Variants in CPEB3 observed in about 807,000 individuals in gnomAD.
CPEB3 encodes cytoplasmic polyadenylation element binding protein 3, also known as cytoplasmic polyadenylation element-binding protein 3.
CPEB3 carries 20 observed loss-of-function variants against 67.2 expected under a neutral mutation model. The observed-to-expected ratio is 0.30, with a 90% confidence interval of 0.21 to 0.43. The LOEUF (loss-of-function observed/expected upper bound fraction) is 0.43, where lower values mean the gene tolerates loss of function less well. Among genes scored for constraint, CPEB3 ranks in the 20% least tolerant of loss-of-function variants. CPEB3 has a pLI of 1.00. For synonymous variants in CPEB3, 376 were observed against 393.1 expected (o/e 0.96, Z 0.51); for missense variants, 746 against 968.6 (o/e 0.77, Z 3.05).
intron 6 of CPEB3, among the ~76,000 whole-genome samples, chr10:92,123,398 AAGGACG>A (rs1845478295): frequency 1.6e-5 from 2 of 121,220 alleles, no homozygotes; most frequent in Non-Finnish European, 3.5e-5. Context: ...GGCAAGGACC[AAGGACG>A]CTAAGATTAT....
rs376818546 is a variant in CPEB3 at position 92,239,592 on chromosome 10, G to A, written c.759C>T (p.Ser253=). 17 of 1,554,122 alleles carry A rather than the reference G, an allele frequency of 1.1e-5. No homozygotes were observed. In the South Asian group the frequency reaches 1.2e-4, roughly 11 times the overall value. The stretch of plus-strand genomic sequence containing the variant: ...GGCCGCCCCAGGGGTTGGACGGTGC[G>A]CTCCAGGCTGCATTCACGCTTTGGT... ...NTHQSVNAAW[S]APSNPWGGLQ... Residue 253 remains serine, a synonymous_variant, in exon 2 of 10, where the codon AGC becomes AGT. Transcript: ENST00000265997. This position sits in a 1 kb window ranked among gnomAD's most constrained non-coding sequence, Gnocchi z 6.0.
At chr10:92,065,925 C>G (rs539125942) in intron 9 of CPEB3, among the ~76,000 whole-genome samples, 4 of 151,922 alleles carry the variant, frequency 2.6e-5, no homozygotes, top group East Asian at 1.9e-4. Context: ...GAGACCCCCC[C>G]TCTCTATCAA....
chr10:92,114,772 CTCTCT>C (rs1281492297), intron 6 of CPEB3, among the ~76,000 whole-genome samples: 1 of 152,218 alleles, frequency 6.6e-6, no homozygotes, highest in Non-Finnish European at 1.5e-5. Flanking sequence ...TGAATCCTGG[CTCTCT>C]TCTCTGTCAA....
chr10:92,072,913 A>G (rs1355459518), intron 9 of CPEB3, among the ~76,000 whole-genome samples: 1 of 152,202 alleles, frequency 6.6e-6, no homozygotes, highest in Non-Finnish European at 1.5e-5. Flanking sequence ...TTGTCAACAC[A>G]GGGACAAATT....
chr10:92,125,244 C>A (rs1407771057), intron 6 of CPEB3, among the ~76,000 whole-genome samples: 1 of 152,192 alleles, frequency 6.6e-6, no homozygotes, highest in Non-Finnish European at 1.5e-5. Flanking sequence ...GACCCTGTGC[C>A]CCTAGACTGC....
At chr10:92,151,566 T>C (rs1410643389) in intron 4 of CPEB3, among the ~76,000 whole-genome samples, 1 of 152,202 alleles carries the variant, frequency 6.6e-6, no homozygotes, top group Admixed American at 6.5e-5. Flanking sequence ...TCCCTTTTAT[T>C]ACACAGAAAT....
At chr10:92,159,332 G>C (rs1186625800) in intron 4 of CPEB3, among the ~76,000 whole-genome samples, 1 of 151,888 alleles carries the variant, frequency 6.6e-6, no homozygotes, top group Non-Finnish European at 1.5e-5. Flanking sequence ...GAAAAAGGAA[G>C]ATAATTTGGA....
chr10:92,084,337 G>A (rs1363253843), intron 8 of CPEB3, among the ~76,000 whole-genome samples: 4 of 152,022 alleles, frequency 2.6e-5, no homozygotes, highest in Non-Finnish European at 5.9e-5. Flanking sequence ...ACCCTCATCT[G>A]CTTATGCTCT....
rs1850419822 is a variant in CPEB3, at chr10:92,216,697, C to A, written c.1005+22649G>T. On this transcript the variant is annotated intron_variant, in intron 2 of 9. Coordinates refer to ENST00000265997, the MANE Select transcript of CPEB3 (RefSeq NM_014912.5). The stretch of plus-strand genomic sequence containing the variant: ...TGGGTGCAGCCACAGGCTCCAAGCG[C>A]CCCACCTGTGTGATAATGGTCAAGC... 6.9e-6 allele frequency: 11 copies of A among 1,605,620 alleles called. No individual in the cohort carries two copies. The South Asian group carries it at 1.2e-4, about 18-fold the overall frequency.
intron 3 of CPEB3, among the ~76,000 whole-genome samples, chr10:92,181,305 C>A: frequency 6.9e-6 from 1 of 145,682 alleles, no homozygotes; most frequent in African/African-American, 2.5e-5. Context: ...TTAAACATGC[C>A]AACTCCTTGG....
intron 1 of CPEB3, among the ~76,000 whole-genome samples, chr10:92,277,483 G>A (rs936336878): frequency 2.6e-5 from 4 of 152,118 alleles, no homozygotes; most frequent in African/African-American, 9.7e-5. Flanking sequence ...TCCTCATCCT[G>A]TTCCACTGAT....
intron 9 of CPEB3, among the ~76,000 whole-genome samples, chr10:92,061,161 G>A (rs973052240): frequency 6.6e-5 from 10 of 152,166 alleles, no homozygotes; most frequent in Non-Finnish European, 1.3e-4. Context: ...GCTCATACCT[G>A]TAATCCCAGC....
intron 2 of CPEB3, among the ~76,000 whole-genome samples, chr10:92,235,603 A>T (rs1383161841): frequency 6.6e-6 from 1 of 152,264 alleles, no homozygotes; most frequent in African/African-American, 2.4e-5. Context: ...ATTTTAACTC[A>T]TACAAGGCCA....
Position 92,237,040 on chromosome 10 carries a change from C to T in CPEB3, c.1005+2306G>A, listed in dbSNP as rs530631360. On this transcript the variant is annotated intron_variant, in intron 2 of 9. Transcript: ENST00000265997. ...AGAATAAATATTTTGAAAAAATCAT[C>T]GAAACCACTTAAGATATTTTCTTCC... Among the ~76,000 whole-genome samples, 9 of 152,184 alleles carry T rather than the reference C, an allele frequency of 5.9e-5. 1 individual carries two copies. In the South Asian group the frequency reaches 1.0e-3, roughly 18 times the overall value.
At chr10:92,053,785 C>T (rs1157183949) in intron 9 of CPEB3, among the ~76,000 whole-genome samples, 1 of 152,186 alleles carries the variant, frequency 6.6e-6, no homozygotes, top group African/African-American at 2.4e-5. Context: ...TCGTGATCCA[C>T]CCGCCTCGGC....
intron 2 of CPEB3, among the ~76,000 whole-genome samples, chr10:92,204,911 G>C (rs1294428101): frequency 1.3e-5 from 2 of 148,278 alleles, no homozygotes; most frequent in Non-Finnish European, 3.0e-5. Context: ...TACTATAATG[G>C]CTCACTGCAA....
chr10:92,200,402 G>A (rs1265023346), intron 2 of CPEB3, among the ~76,000 whole-genome samples: 9 of 151,916 alleles, frequency 5.9e-5, no homozygotes, highest in East Asian at 1.9e-4. Context: ...AAAATTAGCC[G>A]GGCGTGGTGG....
intron 9 of CPEB3, 119 bp from the exon 10 acceptor site, chr10:92,052,558 T>A: frequency 1.2e-6 from 1 of 808,414 alleles, no homozygotes; most frequent in Non-Finnish European, 2.0e-6. Context: ...TGCTTTCAAC[T>A]CTGCTGATAC....
At chr10:92,128,458 A>T (rs190020551) in intron 6 of CPEB3, among the ~76,000 whole-genome samples, 516 of 152,348 alleles carry the variant, frequency 3.4e-3, no homozygotes, top group Non-Finnish European at 5.9e-3. Flanking sequence ...GTTATGGTAC[A>T]AACTCCTTGA....
Sources: allele counts gnomAD v4.1 joint callset (sites outside exome capture counted in the v4.1 genomes callset), GRCh38; gene constraint gnomAD v4.1.1; non-coding constraint Gnocchi (gnomAD v3.1); transcripts MANE v1.5; gene names NCBI Gene and HGNC (gene_info 2026-07-23, HGNC 2026-07-21).